SHBG: variants seen among roughly 807,000 people sequenced by gnomAD.
SHBG encodes sex hormone binding globulin.
A neutral mutation model predicts 41.9 loss-of-function variants in SHBG; 37 were observed. That is an observed-to-expected ratio of 0.88 (90% confidence interval 0.68 to 1.16). The LOEUF is 1.16. SHBG is among the 50% of genes most tolerant of loss of function. The pLI is 0.00. For synonymous variants in SHBG, 217 were observed against 205.8 expected (o/e 1.05, Z -0.47); for missense variants, 466 against 499.9 (o/e 0.93, Z 0.65).
Position 7,630,140 on chromosome 17 carries a change from T to C in SHBG, c.-33T>C, listed in dbSNP as rs371649178. 17 of 1,560,926 alleles carry C rather than the reference T, an allele frequency of 1.1e-5. 1 individual carries two copies. The East Asian group carries it at 1.8e-4, about 16-fold the overall frequency. ...CTGCCTCTACACATTCTCCCAAGAG[T>C]TGTCTGAGCCGCCGAGTGGACAGTG... On this transcript the variant is annotated 5_prime_UTR_variant, in exon 1 of 8. Transcript: ENST00000380450. This position sits in a 1 kb window ranked among gnomAD's most constrained non-coding sequence, Gnocchi z 4.6.
chr17:7,615,051 C>T (rs1202244193), intron 1 of SHBG, among the ~76,000 whole-genome samples: 3 of 152,204 alleles, frequency 2.0e-5, no homozygotes. Context: ...CTTGCTAGCG[C>T]TTGCGCAGAA....
upstream of SHBG, chr17:7,626,461 A>C (rs1292095636): frequency 1.2e-6 from 2 of 1,613,846 alleles, no homozygotes. Context: ...TTTCCTGCCA[A>C]CTTTCTCGTT....
chr17:7,624,465 C>T (rs978040178), upstream of SHBG, among the ~76,000 whole-genome samples: 7 of 151,820 alleles, frequency 4.6e-5, no homozygotes, highest in South Asian at 2.1e-4. Context: ...AGGCTGGTCT[C>T]GAACTCCTGA....
chr17:7,627,220 C>G, upstream of SHBG: 1 of 1,614,152 alleles, frequency 6.2e-7, no homozygotes, highest in East Asian at 2.2e-5. The surrounding 1 kb of genome is among the most constrained non-coding windows in gnomAD (Gnocchi z 4.8). Flanking sequence ...GCCATCTGCT[C>G]TCAGGGCTGC....
At chr17:7,626,552 G>C, upstream of SHBG, 1 of 1,614,162 alleles carries the variant, frequency 6.2e-7, no homozygotes, top group East Asian at 2.2e-5. Flanking sequence ...ACAAGTCCAT[G>C]GCCCTCTGGT....
At chr17:7,620,120 C>CA (rs71159513) in intron 1 of SHBG, among the ~76,000 whole-genome samples, 60,480 of 131,842 alleles carry the variant, frequency 0.46, 13,831 homozygotes, top group Middle Eastern at 0.64. Flanking sequence ...TATCCCTCTC[C>CA]AAAAAAAAAA....
Position 7,630,448 on chromosome 17 carries a change from C to G in SHBG, c.144C>G (p.Ser48Arg), listed in dbSNP as rs1402634249. ...ACGACCCTCCGGCTGTCCACCTCAG[C>G]AATGGCCCAGGACAAGAGCCTATCG... is the stretch of plus-strand genomic sequence containing the variant. ...SAHDPPAVHL[S>R]NGPGQEPIAV... Residue 48 changes from serine to arginine, a missense_variant, in exon 2 of 8, where the codon AGC becomes AGG. Coordinates refer to ENST00000380450, the MANE Select transcript of SHBG (RefSeq NM_001040.5). This position sits in a 1 kb window ranked among gnomAD's most constrained non-coding sequence, Gnocchi z 4.6. The G allele has an allele frequency of 6.2e-7, 1 of 1,614,182 alleles. No individual in the cohort carries two copies. The highest frequency in any genetic ancestry group is 8.5e-7 in the Non-Finnish European group (1 of 1,180,034).
At chr17:7,626,692 C>T, upstream of SHBG, 2 of 1,611,894 alleles carry the variant, frequency 1.2e-6, no homozygotes, top group Non-Finnish European at 1.7e-6. Flanking sequence ...CAACCCGGGT[C>T]CCCCCTCCAT....
rs868597172 is a variant in SHBG at position 7,619,407 on chromosome 17, C to T, written c.-62+5296C>T. Among the ~76,000 whole-genome samples, 10 of 135,178 alleles carry T rather than the reference C, an allele frequency of 7.4e-5. 1 individual carries two copies. The highest frequency in any genetic ancestry group is 2.7e-4 in the African/African-American group (10 of 37,192). The allele number at this position is 135,178 out of a possible 152,430, so 88.7% of individuals were successfully genotyped here. ...CTCCATCTCAAAAAAAAAAAAAAAT[C>T]ATAATAATGTAAATGCTAAGGCTGG... On this transcript the variant is annotated intron_variant, in intron 1 of 5. Coordinates refer to the SHBG transcript ENST00000570547.
upstream of SHBG, among the ~76,000 whole-genome samples, chr17:7,624,096 C>T (rs1404680799): frequency 2.0e-5 from 3 of 152,054 alleles, no homozygotes; most frequent in African/African-American, 7.2e-5. Flanking sequence ...GGATTACAGG[C>T]TTGCACCACC....
At chr17:7,628,314 G>T (rs1010297325), upstream of SHBG, among the ~76,000 whole-genome samples, 1 of 151,656 alleles carries the variant, frequency 6.6e-6, no homozygotes, top group African/African-American at 2.4e-5. Flanking sequence ...CCCAGGCTGG[G>T]GTGTAGTGGC....
In SHBG at chr17:7,630,547, C is replaced by T. The variant is rs749160327; in HGVS notation, c.203+40C>T. 1.1e-5 allele frequency: 17 copies of T among 1,576,898 alleles called. No individual in the cohort carries two copies. In the East Asian group the frequency reaches 2.9e-4, roughly 27 times the overall value. ...TAGCCCTTGACCCAGTCCCCTGGTTCTGCCCTCTCTCCATCAGCTCTTCTC... is the reference window on the plus strand; with the variant it reads ...TAGCCCTTGACCCAGTCCCCTGGTTTTGCCCTCTCTCCATCAGCTCTTCTC... On this transcript the variant is annotated intron_variant, in intron 2 of 7. Coordinates refer to ENST00000380450, the MANE Select transcript of SHBG (RefSeq NM_001040.5). The surrounding 1 kb of genome is among the most constrained non-coding windows in gnomAD (Gnocchi z 4.6).
At chr17:7,628,069 G>A (rs1021435728), upstream of SHBG, 2 of 466,616 alleles carry the variant, frequency 4.3e-6, no homozygotes, top group African/African-American at 2.0e-5. Flanking sequence ...CGGTTCAAAG[G>A]CTCCCCCGCA....
At chr17:7,615,637 G>T (rs910015713) in intron 1 of SHBG, among the ~76,000 whole-genome samples, 9 of 125,586 alleles carry the variant, frequency 7.2e-5, no homozygotes, top group Admixed American at 6.4e-4. Context: ...TGGCCAAAAT[G>T]GTGAAACCCA....
chr17:7,617,239 C>T (rs1415674049), intron 1 of SHBG, among the ~76,000 whole-genome samples: 1 of 151,798 alleles, frequency 6.6e-6, no homozygotes, highest in Non-Finnish European at 1.5e-5. Flanking sequence ...ACTTGGAAGT[C>T]TCTGACTTCA....
At chr17:7,627,561 A>G, upstream of SHBG, 1 of 1,608,808 alleles carries the variant, frequency 6.2e-7, no homozygotes, top group Non-Finnish European at 8.5e-7. The surrounding 1 kb of genome is among the most constrained non-coding windows in gnomAD (Gnocchi z 4.8). Context: ...ACCGGCCTGC[A>G]GTCTTCACCC....
In SHBG at chr17:7,630,521, C is replaced by T; in HGVS notation, c.203+14C>T. ...CAAGATCACAAAGTATGGGGTTGGCCTAGCCCTTGACCCAGTCCCCTGGTT... is the reference window on the plus strand; with the variant it reads ...CAAGATCACAAAGTATGGGGTTGGCTTAGCCCTTGACCCAGTCCCCTGGTT... On this transcript the variant is annotated intron_variant, in intron 2 of 7. Coordinates refer to ENST00000380450, the MANE Select transcript of SHBG (RefSeq NM_001040.5). The surrounding 1 kb of genome is among the most constrained non-coding windows in gnomAD (Gnocchi z 4.6). 6.2e-7 allele frequency: 1 copy of T among 1,610,954 alleles called. No individual in the cohort carries two copies. Among genetic ancestry groups the T allele is most frequent in the Non-Finnish European group, 8.5e-7 (1 of 1,177,132 alleles).
intron 1 of SHBG, among the ~76,000 whole-genome samples, chr17:7,622,273 C>CT (rs1010867703): frequency 1.7e-3 from 249 of 148,260 alleles, no homozygotes; most frequent in Non-Finnish European, 2.3e-3. Context: ...AATAGGATCA[C>CT]TTTTTTTTTT....
upstream of SHBG, chr17:7,629,970 C>G (rs1183008297): frequency 1.5e-6 from 1 of 645,742 alleles, no homozygotes. Flanking sequence ...GGACTCTGTC[C>G]TTCACCCCAT....
Sources: gnomAD v4.1 joint callset for allele counts (sites outside exome capture counted in the v4.1 genomes callset) on GRCh38, gnomAD v4.1.1 for gene constraint, Gnocchi (gnomAD v3.1) non-coding constraint, MANE v1.5 for transcripts, NCBI Gene and HGNC (gene_info 2026-07-23, HGNC 2026-07-21) for gene names.